MYO1H: variants seen among roughly 807,000 people sequenced by gnomAD.
The protein encoded by MYO1H is myosin IH.
In MYO1H, 118 loss-of-function variants were observed where a neutral mutation model predicts 149.3. That is an observed-to-expected ratio of 0.79 (90% CI 0.68 to 0.92). The LOEUF is 0.92. MYO1H is among the 40% of genes least tolerant of loss of function. The pLI, the probability that MYO1H is intolerant of heterozygous loss-of-function variation, is 0.00. For synonymous variants in MYO1H, 447 were observed against 465.2 expected, an observed-to-expected ratio of 0.96 and a Z score of 0.50; for missense variants, 1,212 against 1,280.7, an observed-to-expected ratio of 0.95 and a Z score of 0.82.
intron 1 of MYO1H, among the ~76,000 whole-genome samples, chr12:109,382,111 T>C (rs1869216694): frequency 6.6e-6 from 1 of 152,180 alleles, no homozygotes; most frequent in Non-Finnish European, 1.5e-5. Context: ...AAATGTGGAT[T>C]TGGGTAGTGT....
At chr12:109,360,108 T>C (rs1193359432) in intron 1 of MYO1H, among the ~76,000 whole-genome samples, 1 of 149,388 alleles carries the variant, frequency 6.7e-6, no homozygotes, top group Non-Finnish European at 1.5e-5. Context: ...TTTTTTCTTT[T>C]TCTTCTTTCT....
upstream of MYO1H, among the ~76,000 whole-genome samples, chr12:109,344,457 A>G (rs914063426): frequency 6.6e-6 from 1 of 152,240 alleles, no homozygotes; most frequent in Non-Finnish European, 1.5e-5. Flanking sequence ...GCTGAAAACT[A>G]TAAAGTGTCA....
chr12:109,421,958 G>T (rs192614962), intron 16 of MYO1H, among the ~76,000 whole-genome samples: 1 of 152,112 alleles, frequency 6.6e-6, no homozygotes, highest in East Asian at 1.9e-4. Context: ...GAGTAGCTAG[G>T]ACTTCAGACA....
chr12:109,447,053 C>A, intron 31 of MYO1H, 106 bp from the exon 32 acceptor site: 2 of 1,157,042 alleles, frequency 1.7e-6, no homozygotes, highest in Non-Finnish European at 2.5e-6. Context: ...TTCTCACAGG[C>A]CCTCCACACC....
intron 18 of MYO1H, among the ~76,000 whole-genome samples, chr12:109,426,684 C>T (rs1335339585): frequency 2.6e-5 from 4 of 152,078 alleles, no homozygotes; most frequent in South Asian, 2.1e-4. Flanking sequence ...GAACAGTCTT[C>T]GAAAATGATC....
the MYO1H span, among the ~76,000 whole-genome samples, chr12:109,320,085 G>T: frequency 6.6e-6 from 1 of 152,060 alleles, no homozygotes; most frequent in Non-Finnish European, 1.5e-5. Flanking sequence ...AGACTGAGGT[G>T]GGAAGATCAC....
chr12:109,433,526 T>G (rs548647628), intron 20 of MYO1H, among the ~76,000 whole-genome samples: 51 of 152,320 alleles, frequency 3.3e-4, no homozygotes, highest in Non-Finnish European at 6.5e-4. Context: ...GTCCGTCTTG[T>G]GCGTCATTTT....
At chr12:109,372,333 T>A (rs1177884071) in intron 1 of MYO1H, among the ~76,000 whole-genome samples, 1 of 152,124 alleles carries the variant, frequency 6.6e-6, no homozygotes, top group Non-Finnish European at 1.5e-5. Context: ...CAGCCTTCCT[T>A]TTATAGAACT....
intron 14 of MYO1H, among the ~76,000 whole-genome samples, chr12:109,412,953 T>TTTGTTGTTGTTGTTGTTGTTG (rs79763914): frequency 2.0e-5 from 3 of 146,970 alleles, no homozygotes; most frequent in Admixed American, 6.9e-5. Flanking sequence ...GCCCGGCTAA[T>TTTGTTGTTGTTGTTGTTGTTG]TTGTTGTTGT....
the MYO1H span, among the ~76,000 whole-genome samples, chr12:109,323,220 G>GT: frequency 1.3e-5 from 2 of 152,156 alleles, no homozygotes; most frequent in Non-Finnish European, 2.9e-5. Flanking sequence ...TACCTTCTAG[G>GT]TTTTTATCCT....
intron 16 of MYO1H, among the ~76,000 whole-genome samples, chr12:109,421,536 T>C (rs1465725329): frequency 6.6e-6 from 1 of 152,094 alleles, no homozygotes; most frequent in Non-Finnish European, 1.5e-5. Context: ...GAGACCAGTA[T>C]GTGCAAAGGT....
chr12:109,398,741 C>CA (rs35031072), intron 5 of MYO1H, among the ~76,000 whole-genome samples: 3,051 of 51,270 alleles, frequency 0.06, 178 homozygotes, highest in Non-Finnish European at 0.079. Context: ...AACTTCCTCT[C>CA]AAAAAAAAAA....
At chr12:109,426,176 T>G (rs1857313966) in intron 18 of MYO1H, 125 bp downstream of exon 18, 1 of 700,484 alleles carries the variant, frequency 1.4e-6, no homozygotes, top group Non-Finnish European at 2.6e-6. Context: ...ATGTGAATCA[T>G]TTTCCTTTCT....
chr12:109,379,435 G>A (rs1406606987), intron 1 of MYO1H, among the ~76,000 whole-genome samples: 2 of 152,138 alleles, frequency 1.3e-5, no homozygotes, highest in African/African-American at 2.4e-5. Context: ...GTGCTATTGA[G>A]CGTTTTTTGC....
intron 1 of MYO1H, among the ~76,000 whole-genome samples, chr12:109,356,893 T>C (rs1868619271): frequency 6.6e-6 from 1 of 152,198 alleles, no homozygotes; most frequent in African/African-American, 2.4e-5. Context: ...ATCAAACACA[T>C]AAAAACTTGC....
intron 5 of MYO1H, 120 bp from the exon 6 acceptor site, chr12:109,400,973 A>G (rs1236044788): frequency 5.6e-6 from 5 of 891,926 alleles, no homozygotes. Flanking sequence ...GTCCAAAAAA[A>G]AGAAAGAAGA....
intron 6 of MYO1H, among the ~76,000 whole-genome samples, chr12:109,403,029 A>T (rs1420846471): frequency 2.6e-5 from 4 of 152,204 alleles, no homozygotes; most frequent in Non-Finnish European, 5.9e-5. Flanking sequence ...ATGATCTCTC[A>T]TAACTTTGGT....
At chr12:109,332,915 A>G in the MYO1H span, among the ~76,000 whole-genome samples, 1 of 152,204 alleles carries the variant, frequency 6.6e-6, no homozygotes, top group South Asian at 2.1e-4. Context: ...TTTTCTACAC[A>G]AATGTTCCCC....
intron 26 of MYO1H, 74 bp downstream of exon 26, chr12:109,441,782 C>A: frequency 9.4e-7 from 1 of 1,062,888 alleles, no homozygotes; most frequent in Non-Finnish European, 1.4e-6. Context: ...TGCGGTGGCT[C>A]ATGCCCATAA....
Sources: allele counts gnomAD v4.1 joint callset (sites outside exome capture counted in the v4.1 genomes callset), GRCh38; gene constraint gnomAD v4.1.1; transcripts MANE v1.5; gene names NCBI Gene and HGNC (gene_info 2026-07-23, HGNC 2026-07-21).